Variants in HOXD10 observed in about 807,000 individuals in gnomAD.
The protein encoded by HOXD10 is homeobox D10.
Under a neutral mutation model 27.0 loss-of-function variants are expected in HOXD10, and 15 were observed. That is an observed-to-expected ratio of 0.56 (90% CI 0.37 to 0.85). The LOEUF (loss-of-function observed/expected upper bound fraction) is 0.85. Among genes scored for constraint, HOXD10 ranks in the 40% least tolerant of loss-of-function variants. The pLI is 0.00. For synonymous variants in HOXD10, 178 were observed against 160.9 expected (o/e 1.11, Z -0.80); for missense variants, 440 against 430.4 (o/e 1.02, Z -0.20).
intron 1 of HOXD10, 73 bp from the exon 2 acceptor site, chr2:176,118,881 C>T: frequency 1.3e-6 from 1 of 751,756 alleles, no homozygotes; most frequent in East Asian, 2.9e-5. Flanking sequence ...AAAACCAAAA[C>T]AAAAACAAAA....
intron 1 of HOXD10, among the ~76,000 whole-genome samples, chr2:176,118,390 G>T (rs1165980806): frequency 6.6e-6 from 1 of 152,194 alleles, no homozygotes; most frequent in Non-Finnish European, 1.5e-5. Context: ...CAATACCCAG[G>T]CAAGGTGGGG....
Position 176,118,973 on chromosome 2 carries a change from A to T in HOXD10, c.765A>T (p.Thr255=), listed in dbSNP as rs753553717. ...KESKEEIKSD[T]PTSNWLTAKS... Reference sequence around the variant, plus strand: ...TGTTAGAGGAAATCAAGTCTGATACACCAACCAGCAATTGGCTCACTGCAA... The same window carrying T: ...TGTTAGAGGAAATCAAGTCTGATACTCCAACCAGCAATTGGCTCACTGCAA... The change falls in exon 2 of 2, where the codon ACA becomes ACT. Residue 255 remains threonine (T), a synonymous_variant. Transcript: ENST00000249501. 1.2e-6 allele frequency: 2 copies of T among 1,613,592 alleles called. No individual in the cohort carries two copies. Among genetic ancestry groups the T allele is most frequent in the African/African-American group, 1.3e-5 (1 of 75,014 alleles).
rs572564303 is a variant in HOXD10, at chr2:176,117,921, A to G, written c.745+343A>G. ...CCTCTTTTCTCCTGCTCAGATTTGCAGTTCCAGTTTTGCCTTGAGCCCAAT... is the reference window on the plus strand; with the variant it reads ...CCTCTTTTCTCCTGCTCAGATTTGCGGTTCCAGTTTTGCCTTGAGCCCAAT... On this transcript the variant is annotated intron_variant, in intron 1 of 1. Coordinates refer to ENST00000249501, the MANE Select transcript of HOXD10 (RefSeq NM_002148.4). Among the ~76,000 whole-genome samples, 3 of 152,324 alleles carry G rather than the reference A, an allele frequency of 2.0e-5. No individual in the cohort carries two copies. The South Asian group carries it at 6.2e-4, about 32-fold the overall frequency.
At position 176,116,917 on chromosome 2, in the gene HOXD10, T is replaced by C. The variant is rs1402261539; in HGVS notation, c.84T>C (p.Tyr28=). The stretch of plus-strand genomic sequence containing the variant: ...GTGCCTGCAGGAGTGACAGTTTTTA[T>C]TCCAGCAGCGCCAGCATGTACATGC... ...LISACRSDSF[Y]SSSASMYMPP... Residue 28 remains tyrosine, a synonymous_variant, in exon 1 of 2, where the codon TAT becomes TAC. Coordinates refer to ENST00000249501, the MANE Select transcript of HOXD10 (RefSeq NM_002148.4). The C allele has an allele frequency of 1.2e-6, 2 of 1,614,152 alleles. No individual in the cohort carries two copies. Among genetic ancestry groups the C allele is most frequent in the Admixed American group, 3.3e-5 (2 of 60,028 alleles).
In HOXD10 at chr2:176,119,457, AT is replaced by A. The variant is rs1371132961; in HGVS notation, c.*227del. 4.1e-5 allele frequency: 6 copies of A among 146,894 alleles called. No homozygotes were observed. Among genetic ancestry groups the A allele is most frequent in the Non-Finnish European group, 8.4e-5 (6 of 71,098 alleles). The allele number at this position is 146,894 out of a possible 1,614,324, so 9.1% of individuals were successfully genotyped here. On this transcript the variant is annotated 3_prime_UTR_variant, in exon 2 of 2. Coordinates refer to ENST00000249501, the MANE Select transcript of HOXD10 (RefSeq NM_002148.4). ...TGAGTATATATATATATATATATAT[AT>A]ATATATAAAAACTTAGCACGTGTAA...
chr2:176,117,252 C>A lies in HOXD10; in HGVS notation c.419C>A (p.Pro140His). 1 of 1,610,426 alleles carries A rather than the reference C, an allele frequency of 6.2e-7. No homozygotes were observed. The change falls in exon 1 of 2, where the codon CCC becomes CAC. Residue 140 changes from proline (P) to histidine (H), a missense_variant. Coordinates refer to ENST00000249501, the MANE Select transcript of HOXD10 (RefSeq NM_002148.4). ...CAGAGGCTGGTCCCTGAGTCTTGTCCCGTTGAGAACCCTGAGGTTCCCGTC... is the reference window on the plus strand; with the variant it reads ...CAGAGGCTGGTCCCTGAGTCTTGTCACGTTGAGAACCCTGAGGTTCCCGTC... ...SYQRLVPESC[P>H]VENPEVPVPG...
In HOXD10 at chr2:176,117,330, A is replaced by T; in HGVS notation, c.497A>T (p.Tyr166Phe). ...TACGCCACCGGGAAAACCCAAGAGT[A>T]CAATAATAGCCCCGAAGGCAGCTCC... ...QTYATGKTQEYNNSPEGSSTV... is the reference protein window; with the variant it reads ...QTYATGKTQEFNNSPEGSSTV... The change falls in exon 1 of 2, where the codon TAC becomes TTC. Residue 166 changes from tyrosine (Y) to phenylalanine (F), a missense_variant. By Grantham distance (22) the Tyr-to-Phe change is conservative. Transcript: ENST00000249501. The T allele has an allele frequency of 6.2e-7, 1 of 1,613,994 alleles. No homozygotes were observed. The highest frequency in any genetic ancestry group is 8.5e-7 in the Non-Finnish European group (1 of 1,179,984).
chr2:176,118,996 C>T lies in HOXD10; in HGVS notation c.788C>T (p.Ala263Val), dbSNP rs1689816222. 1.2e-6 allele frequency: 2 copies of T among 1,613,608 alleles called. No individual in the cohort carries two copies. Among genetic ancestry groups the T allele is most frequent in the Non-Finnish European group, 1.7e-6 (2 of 1,179,750 alleles). ...SDTPTSNWLT[A>V]KSGRKKRCPY... ...ACACCAACCAGCAATTGGCTCACTG[C>T]AAAGAGTGGCAGAAAGAAGAGGTGC... The change falls in exon 2 of 2, where the codon GCA becomes GTA. Residue 263 changes from alanine to valine, a missense_variant. Physicochemically the swap from Ala to Val is moderately conservative, Grantham distance 64 (BLOSUM62 0). Coordinates refer to ENST00000249501, the MANE Select transcript of HOXD10 (RefSeq NM_002148.4).
At position 176,117,322 on chromosome 2, in the gene HOXD10, C is replaced by G; in HGVS notation, c.489C>G (p.Thr163=). The change falls in exon 1 of 2, where the codon ACC becomes ACG. Residue 163 remains threonine, a synonymous_variant. Transcript: ENST00000249501. ...GTCAGACCTACGCCACCGGGAAAAC[C>G]CAAGAGTACAATAATAGCCCCGAAG... ...RLSQTYATGK[T]QEYNNSPEGS... 17 of 1,613,792 alleles carry G rather than the reference C, an allele frequency of 1.1e-5. No homozygotes were observed. The highest frequency in any genetic ancestry group is 1.4e-5 in the Non-Finnish European group (16 of 1,179,818).
In HOXD10 at chr2:176,117,553, C is replaced by G. The variant is rs2105394151; in HGVS notation, c.720C>G (p.Pro240=). 1.2e-6 allele frequency: 2 copies of G among 1,613,170 alleles called. No individual in the cohort carries two copies. Among genetic ancestry groups the G allele is most frequent in the Non-Finnish European group, 1.7e-6 (2 of 1,180,036 alleles). Reference sequence around the variant, plus strand: ...TGGCTGAGGTCTCCGTGTCCAGTCCCGAAGTGCAGGAGAAGGAAAGCAAAG... The same window carrying G: ...TGGCTGAGGTCTCCGTGTCCAGTCCGGAAGTGCAGGAGAAGGAAAGCAAAG... ...SCLAEVSVSS[P]EVQEKESKEE... is the part of the protein sequence containing the mutation. The change falls in exon 1 of 2, where the codon CCC becomes CCG. Residue 240 remains proline, a synonymous_variant. Coordinates refer to ENST00000249501, the MANE Select transcript of HOXD10 (RefSeq NM_002148.4).
rs1689786943 is a variant in HOXD10, at chr2:176,117,726, G to A, written c.745+148G>A. The stretch of plus-strand genomic sequence containing the variant: ...TTTAGAGGGGTGATCTCAGCCCTGA[G>A]ATAGTCCCCGCTTCTCCCCTGCTGC... On this transcript the variant is annotated intron_variant, in intron 1 of 1. Transcript: ENST00000249501. 27 of 903,626 alleles carry A rather than the reference G, an allele frequency of 3.0e-5. 1 individual carries two copies. In the South Asian group the frequency reaches 3.6e-4, roughly 12 times the overall value. The allele number at this position is 903,626 out of a possible 1,614,324, so 56.0% of individuals were successfully genotyped here.
Position 176,117,371 on chromosome 2 carries a change from C to A in HOXD10, c.538C>A (p.Leu180Ile). Residue 180 changes from leucine to isoleucine, a missense_variant, in exon 1 of 2, where the codon CTC (leucine) becomes ATC (isoleucine). Physicochemically the swap from Leu to Ile is conservative, Grantham distance 5. Coordinates refer to ENST00000249501, the MANE Select transcript of HOXD10 (RefSeq NM_002148.4). ...AGGCAGCTCCACTGTCATGCTCCAGCTCAACCCTCGTGGCGCGGCCAAGCC... is the reference window on the plus strand; with the variant it reads ...AGGCAGCTCCACTGTCATGCTCCAGATCAACCCTCGTGGCGCGGCCAAGCC... ...PEGSSTVMLQ[L>I]NPRGAAKPQL... 1 of 1,613,522 alleles carries A rather than the reference C, an allele frequency of 6.2e-7. No homozygotes were observed. Among genetic ancestry groups the A allele is most frequent in the East Asian group, 2.2e-5 (1 of 44,880 alleles).
At position 176,118,971 on chromosome 2, in the gene HOXD10, A is replaced by G. The variant is rs1689815528; in HGVS notation, c.763A>G (p.Thr255Ala). The G allele has an allele frequency of 6.8e-6, 11 of 1,613,520 alleles. No homozygotes were observed. The highest frequency in any genetic ancestry group is 9.3e-6 in the Non-Finnish European group (11 of 1,179,688). Reference protein sequence around the residue: ...KESKEEIKSDTPTSNWLTAKS... With the variant: ...KESKEEIKSDAPTSNWLTAKS... ...TTTGTTAGAGGAAATCAAGTCTGAT[A>G]CACCAACCAGCAATTGGCTCACTGC... Residue 255 changes from threonine to alanine, a missense_variant, in exon 2 of 2, where the codon ACA (threonine) becomes GCA (alanine). By Grantham distance (58) the Thr-to-Ala change is moderately conservative. Transcript: ENST00000249501.
rs764006043 is a variant in HOXD10, at chr2:176,116,800, G to A, written c.-34G>A. The A allele has an allele frequency of 1.2e-6, 2 of 1,608,402 alleles. No homozygotes were observed. Among genetic ancestry groups the A allele is most frequent in the Middle Eastern group, 1.6e-4 (1 of 6,074 alleles). On this transcript the variant is annotated 5_prime_UTR_variant, in exon 1 of 2. Coordinates refer to ENST00000249501, the MANE Select transcript of HOXD10 (RefSeq NM_002148.4). ...TTCCTAGAGATGTCAGCCTACAAAGGACACAATCTCTCTTCTTCAAATTCT... is the reference window on the plus strand; with the variant it reads ...TTCCTAGAGATGTCAGCCTACAAAGAACACAATCTCTCTTCTTCAAATTCT...
chr2:176,117,686 G>A, intron 1 of HOXD10, 108 bp downstream of exon 1: 3 of 1,269,690 alleles, frequency 2.4e-6, no homozygotes, highest in Non-Finnish European at 3.4e-6. Context: ...CTTGGCAGGT[G>A]CTGCTCCGCC....
Position 176,116,808 on chromosome 2 carries a change from C to G in HOXD10, c.-26C>G, listed in dbSNP as rs757082115. 1.4e-5 allele frequency: 22 copies of G among 1,611,064 alleles called. No individual in the cohort carries two copies. The highest frequency in any genetic ancestry group is 8.5e-7 in the Non-Finnish European group (1 of 1,177,342). ...GATGTCAGCCTACAAAGGACACAAT[C>G]TCTCTTCTTCAAATTCTTCCCCAAA... On this transcript the variant is annotated 5_prime_UTR_variant, in exon 1 of 2. It adds an upstream start codon to the 5' untranslated region. Transcript: ENST00000249501.
rs1323184992 is a variant in HOXD10 at position 176,117,533 on chromosome 2, G to A, written c.700G>A (p.Glu234Lys). Residue 234 changes from glutamate to lysine, a missense_variant, in exon 1 of 2, where the codon GAG (glutamate) becomes AAG (lysine). Physicochemically the swap from Glu to Lys is moderately conservative, Grantham distance 56. Transcript: ENST00000249501. Reference sequence around the variant, plus strand: ...TCCCGAAGAGAGGAGCTGCCTGGCTGAGGTCTCCGTGTCCAGTCCCGAAGT... The same window carrying A: ...TCCCGAAGAGAGGAGCTGCCTGGCTAAGGTCTCCGTGTCCAGTCCCGAAGT... Reference protein sequence around the residue: ...GLPEERSCLAEVSVSSPEVQE... With the variant: ...GLPEERSCLAKVSVSSPEVQE... 6.2e-7 allele frequency: 1 copy of A among 1,613,186 alleles called. No homozygotes were observed. The highest frequency in any genetic ancestry group is 1.7e-5 in the Admixed American group (1 of 60,038).
rs1156862600 is a variant in HOXD10 at position 176,119,387 on chromosome 2, C to T, written c.*156C>T. The T allele has an allele frequency of 1.4e-6, 1 of 704,044 alleles. No individual in the cohort carries two copies. The highest frequency in any genetic ancestry group is 2.4e-6 in the Non-Finnish European group (1 of 417,588). The allele number at this position is 704,044 out of a possible 1,614,324, so 43.6% of individuals were successfully genotyped here. A position where few individuals can be genotyped will look rare whatever the true frequency, so the allele number is the denominator to read the frequency against. ...ATTTTGTTTTCCTGCTAGAATGTGA[C>T]TTTGGGGTCATTATGTTCGTGCTGC... On this transcript the variant is annotated 3_prime_UTR_variant, in exon 2 of 2. Coordinates refer to ENST00000249501, the MANE Select transcript of HOXD10 (RefSeq NM_002148.4).
rs547711975 is a variant in HOXD10, at chr2:176,116,866, T to A, written c.33T>A (p.Asn11Lys). Reference protein sequence around the residue: MSFPNSSPAANTFLVDSLISA... With the variant: MSFPNSSPAAKTFLVDSLISA... ...TTCCCAACAGCTCTCCTGCTGCTAA[T>A]ACTTTTTTAGTAGATTCCTTGATCA... Residue 11 changes from asparagine to lysine, a missense_variant, in exon 1 of 2, where the codon AAT becomes AAA. Physicochemically the swap from Asn to Lys is moderately conservative, Grantham distance 94. Coordinates refer to ENST00000249501, the MANE Select transcript of HOXD10 (RefSeq NM_002148.4). 1.2e-6 allele frequency: 2 copies of A among 1,614,186 alleles called. No homozygotes were observed. Among genetic ancestry groups the A allele is most frequent in the African/African-American group, 2.7e-5 (2 of 75,066 alleles).
Sources: gnomAD v4.1 joint callset for allele counts (sites outside exome capture counted in the v4.1 genomes callset) on GRCh38, gnomAD v4.1.1 for gene constraint, MANE v1.5 for transcripts, NCBI Gene and HGNC (gene_info 2026-07-23, HGNC 2026-07-21) for gene names.